ISM1: variants seen among roughly 807,000 people sequenced by gnomAD.
ISM1 encodes isthmin-1.
A neutral mutation model predicts 46.3 loss-of-function variants in ISM1; 25 were observed. That is an observed-to-expected ratio of 0.54 (90% CI 0.39 to 0.75). The LOEUF is 0.75. ISM1 is among the 30% of genes least tolerant of loss of function. ISM1 has a pLI of 0.00. For synonymous variants in ISM1, 255 were observed against 256.7 expected, an observed-to-expected ratio of 0.99 and a Z score of 0.06; for missense variants, 536 against 625.4, an observed-to-expected ratio of 0.86 and a Z score of 1.52.
At chr20:13,307,720 T>C in the ISM1 span, among the ~76,000 whole-genome samples, 6 of 152,346 alleles carry the variant, frequency 3.9e-5, no homozygotes, top group South Asian at 1.2e-3. Context: ...CATATTTTGC[T>C]CAATATTGGA....
rs999715102 is a variant in ISM1 at position 13,221,885 on chromosome 20, G to A, written c.109G>A (p.Ala37Thr). Residue 37 changes from alanine (A) to threonine (T), a missense_variant, in exon 1 of 6, where the codon GCG (alanine) becomes ACG (threonine). Physicochemically the swap from Ala to Thr is moderately conservative, Grantham distance 58. Transcript: ENST00000262487. ...SGAADGPDAA[A>T]GNASQAQLQN... ...AGCCGCCGACGGGCCCGACGCGGCCGCGGGCAACGCCAGCCAAGCCCAGCT... is the reference window on the plus strand; with the variant it reads ...AGCCGCCGACGGGCCCGACGCGGCCACGGGCAACGCCAGCCAAGCCCAGCT... The A allele has an allele frequency of 6.4e-6, 9 of 1,402,612 alleles. No individual in the cohort carries two copies. The East Asian group carries it at 2.1e-4, about 33-fold the overall frequency. 86.9% of individuals were successfully genotyped at this position (1,402,612 alleles called of 1,614,324 possible). A position where few individuals can be genotyped will look rare whatever the true frequency, so the allele number is the denominator to read the frequency against.
intron 1 of ISM1, among the ~76,000 whole-genome samples, chr20:13,252,194 G>A (rs2039875503): frequency 1.3e-5 from 2 of 152,210 alleles, no homozygotes; most frequent in Non-Finnish European, 2.9e-5. Flanking sequence ...GAAGAGCAAC[G>A]AGCAAGTGCA....
intron 1 of ISM1, among the ~76,000 whole-genome samples, chr20:13,229,997 T>A (rs1302113236): frequency 2.0e-5 from 3 of 152,232 alleles, no homozygotes; most frequent in Non-Finnish European, 2.9e-5. Context: ...CTTAATTTTA[T>A]TTTCCTTTAT....
intron 1 of ISM1, among the ~76,000 whole-genome samples, chr20:13,223,448 A>G (rs1361413145): frequency 6.6e-6 from 1 of 152,236 alleles, no homozygotes; most frequent in African/African-American, 2.4e-5. Flanking sequence ...CCTCATTTAC[A>G]GATGCAAAAA....
At chr20:13,261,333 G>T (rs1038810615) in intron 1 of ISM1, among the ~76,000 whole-genome samples, 1 of 151,692 alleles carries the variant, frequency 6.6e-6, no homozygotes, top group Non-Finnish European at 1.5e-5. Flanking sequence ...CAGGAGAATC[G>T]CCTGAACCCA....
chr20:13,323,764 CCTT>C, the ISM1 span, among the ~76,000 whole-genome samples: 164 of 152,208 alleles, frequency 1.1e-3, no homozygotes, highest in Middle Eastern at 0.014. Context: ...GGAAAAAAAG[CCTT>C]CTTCTTCAAT....
At chr20:13,230,297 CTT>C (rs113189270) in intron 1 of ISM1, among the ~76,000 whole-genome samples, 2 of 152,080 alleles carry the variant, frequency 1.3e-5, no homozygotes, top group African/African-American at 4.8e-5. Context: ...ACTTTGTTCA[CTT>C]TTTTTTCTTC....
At chr20:13,281,131 A>G (rs2040234785) in intron 3 of ISM1, among the ~76,000 whole-genome samples, 1 of 152,236 alleles carries the variant, frequency 6.6e-6, no homozygotes, top group African/African-American at 2.4e-5. Flanking sequence ...CAGTTGTTCA[A>G]CCAACATTTA....
chr20:13,271,040 A>T (rs1347810271), intron 2 of ISM1, among the ~76,000 whole-genome samples: 1 of 152,264 alleles, frequency 6.6e-6, no homozygotes. Flanking sequence ...GAAATATAAA[A>T]GCAAAACAAA....
rs750786293 is a variant in ISM1 at position 13,270,569 on chromosome 20, A to G, written c.204A>G (p.Pro68=). The change falls in exon 2 of 6, where the codon CCA becomes CCG. Residue 68 remains proline (P), a synonymous_variant. Transcript: ENST00000262487. ...GCTTTTCTCTCTCCAAAGAAGCACC[A>G]AGGGAGCATCTGGACCACCAGGCTG... ...ETSFSLSKEA[P]REHLDHQAAH... is the part of the protein sequence containing the mutation. The G allele has an allele frequency of 1.6e-5, 26 of 1,613,832 alleles. No individual in the cohort carries two copies. The highest frequency in any genetic ancestry group is 3.4e-6 in the Non-Finnish European group (4 of 1,179,844).
chr20:13,288,637 G>A lies in ISM1; in HGVS notation c.741G>A (p.Ala247=), dbSNP rs145392132. 1.9e-5 allele frequency: 30 copies of A among 1,613,854 alleles called. No individual in the cohort carries two copies. Among genetic ancestry groups the A allele is most frequent in the East Asian group, 6.7e-5 (3 of 44,900 alleles). ...AACGGACCCGGTCTTGTGGCTACGC[G>A]TGCACTGCAACAGAATCGAGGACCT... ...NQKRTRSCGY[A]CTATESRTCD... The change falls in exon 4 of 6, where the codon GCG becomes GCA. Residue 247 remains alanine, a synonymous_variant. Coordinates refer to ENST00000262487, the MANE Select transcript of ISM1 (RefSeq NM_080826.2).
At chr20:13,323,897 A>G in the ISM1 span, among the ~76,000 whole-genome samples, 1 of 152,208 alleles carries the variant, frequency 6.6e-6, no homozygotes, top group African/African-American at 2.4e-5. Context: ...TGACCAAAAA[A>G]ATTGTTAATA....
downstream of ISM1, among the ~76,000 whole-genome samples, chr20:13,303,773 G>C (rs1368367807): frequency 1.3e-5 from 2 of 152,206 alleles, no homozygotes; most frequent in East Asian, 3.8e-4. Context: ...ACAAATCAAA[G>C]TCCCTCCTCT....
rs191446035 is a variant in ISM1, at chr20:13,299,778, G to C, written c.*319G>C. The C allele has an allele frequency of 3.9e-6, 1 of 259,026 alleles. No individual in the cohort carries two copies. The highest frequency in any genetic ancestry group is 7.5e-6 in the Non-Finnish European group (1 of 134,170). 16.0% of individuals were successfully genotyped at this position (259,026 alleles called of 1,614,324 possible). ...GCGACTCAATTCACACCCGGATCCA[G>C]AGTTTCAAAGAGAGGCAAAGGGGGA... On this transcript the variant is annotated 3_prime_UTR_variant, in exon 6 of 6. Coordinates refer to ENST00000262487, the MANE Select transcript of ISM1 (RefSeq NM_080826.2). The surrounding 1 kb of genome is among the most constrained non-coding windows in gnomAD (Gnocchi z 5.8).
chr20:13,231,075 A>C (rs1389608930), intron 1 of ISM1, among the ~76,000 whole-genome samples: 1 of 152,068 alleles, frequency 6.6e-6, no homozygotes, highest in Non-Finnish European at 1.5e-5. Context: ...CTCTCAAATA[A>C]ATTACTTGTT....
the ISM1 span, among the ~76,000 whole-genome samples, chr20:13,317,930 A>G: frequency 6.6e-6 from 1 of 151,984 alleles, no homozygotes; most frequent in Admixed American, 6.6e-5. Flanking sequence ...CGTGGAAAAA[A>G]AAGTGTTGGT....
intron 3 of ISM1, among the ~76,000 whole-genome samples, chr20:13,286,158 T>C (rs557133492): frequency 2.6e-4 from 39 of 152,228 alleles, no homozygotes; most frequent in Non-Finnish European, 5.0e-4. Context: ...TAACAAAATC[T>C]GGCCTCGGTG....
intron 1 of ISM1, among the ~76,000 whole-genome samples, chr20:13,223,931 A>G (rs1371892048): frequency 6.6e-6 from 1 of 152,096 alleles, no homozygotes; most frequent in Non-Finnish European, 1.5e-5. Flanking sequence ...CATTAGAATA[A>G]CCCGGGGTTG....
intron 1 of ISM1, among the ~76,000 whole-genome samples, chr20:13,225,197 G>T (rs1222436474): frequency 6.6e-6 from 1 of 152,028 alleles, no homozygotes; most frequent in African/African-American, 2.4e-5. Context: ...GGAATTAGGT[G>T]CTATCATTAT....
Sources: allele counts gnomAD v4.1 joint callset (sites outside exome capture counted in the v4.1 genomes callset), GRCh38; gene constraint gnomAD v4.1.1; non-coding constraint Gnocchi (gnomAD v3.1); transcripts MANE v1.5; gene names NCBI Gene and HGNC (gene_info 2026-07-23, HGNC 2026-07-21).